GTF2H1: variants seen among roughly 807,000 people sequenced by gnomAD.
The protein encoded by GTF2H1 is general transcription factor IIH subunit 1.
Under a neutral mutation model 71.2 loss-of-function variants are expected in GTF2H1, and 16 were observed. That is an observed-to-expected ratio of 0.22 (90% CI 0.15 to 0.34). The LOEUF (loss-of-function observed/expected upper bound fraction) is 0.34. Ranked by LOEUF, GTF2H1 falls within the 10% of genes least tolerant of loss-of-function variation. GTF2H1 has a pLI of 1.00. For synonymous variants in GTF2H1, 215 were observed against 219.0 expected (o/e 0.98, Z 0.16); for missense variants, 498 against 648.2 (o/e 0.77, Z 2.52).
chr11:18,323,549 T>A (rs1864623794), intron 1 of GTF2H1, among the ~76,000 whole-genome samples: 1 of 151,870 alleles, frequency 6.6e-6, no homozygotes. Flanking sequence ...GAAGACCCAG[T>A]CTTAAAAACA....
At chr11:18,333,833 C>A (rs1341493668) in intron 2 of GTF2H1, among the ~76,000 whole-genome samples, 1 of 152,188 alleles carries the variant, frequency 6.6e-6, no homozygotes, top group Non-Finnish European at 1.5e-5. Flanking sequence ...CCAGATTTTC[C>A]TTCACTAAAA....
chr11:18,358,367 C>G (rs1343281404), intron 12 of GTF2H1, among the ~76,000 whole-genome samples, 158 bp from the exon 13 acceptor site: 2 of 152,202 alleles, frequency 1.3e-5, no homozygotes, highest in South Asian at 2.1e-4. Flanking sequence ...TTTATGATCT[C>G]TCAGCCACAA....
At chr11:18,364,710 T>C (rs1228230953) in intron 14 of GTF2H1, among the ~76,000 whole-genome samples, 2 of 152,196 alleles carry the variant, frequency 1.3e-5, no homozygotes, top group Admixed American at 6.5e-5. Flanking sequence ...ACATAGCACA[T>C]TGTGTGAAGC....
chr11:18,350,006 C>G (rs1185249091), intron 9 of GTF2H1, among the ~76,000 whole-genome samples: 2 of 152,186 alleles, frequency 1.3e-5, no homozygotes, highest in East Asian at 1.9e-4. Flanking sequence ...TATGGTTTCT[C>G]TACTGAATGT....
chr11:18,359,302 G>A (rs182556010), intron 13 of GTF2H1, among the ~76,000 whole-genome samples: 212 of 152,198 alleles, frequency 1.4e-3, no homozygotes, highest in African/African-American at 4.7e-3. Context: ...CACTTTGGCG[G>A]GGCTGAGGCG....
chr11:18,323,885 A>T (rs935813757), intron 1 of GTF2H1, among the ~76,000 whole-genome samples: 6 of 152,216 alleles, frequency 3.9e-5, no homozygotes, highest in African/African-American at 1.4e-4. Context: ...AAACCAGAGC[A>T]GTTGAGATGG....
At position 18,357,955 on chromosome 11, in the gene GTF2H1, C is replaced by A; in HGVS notation, c.1264C>A (p.Leu422Ile). ...AATGCATCTTCATTTTTTTCAGGTTCTCTCAAGTAGTGCTGCCAGTAGTAC... is the reference window on the plus strand; with the variant it reads ...AATGCATCTTCATTTTTTTCAGGTTATCTCAAGTAGTGCTGCCAGTAGTAC... ...EAYTPKLTQV[L>I]SSSAASSTIT... Residue 422 changes from leucine (L) to isoleucine (I), a missense_variant, in exon 12 of 15, where the codon CTC becomes ATC. Transcript: ENST00000265963. 1.3e-6 allele frequency: 2 copies of A among 1,598,352 alleles called. No individual in the cohort carries two copies. The highest frequency in any genetic ancestry group is 1.7e-6 in the Non-Finnish European group (2 of 1,166,580).
At chr11:18,342,988 C>T (rs1865197407) in intron 7 of GTF2H1, among the ~76,000 whole-genome samples, 1 of 152,194 alleles carries the variant, frequency 6.6e-6, no homozygotes, top group Non-Finnish European at 1.5e-5. Context: ...GTGGCCTGAG[C>T]TCGGCTCACT....
chr11:18,358,459 C>A (rs1865615047), intron 12 of GTF2H1, 66 bp from the exon 13 acceptor site: 3 of 854,878 alleles, frequency 3.5e-6, no homozygotes, highest in African/African-American at 1.7e-5. Flanking sequence ...TCTGAGTGGT[C>A]ATTTTTTTCG....
At chr11:18,337,962 G>T in intron 3 of GTF2H1, 147 bp from the exon 4 acceptor site, 1 of 550,826 alleles carries the variant, frequency 1.8e-6, no homozygotes. Flanking sequence ...TTACTGAAAA[G>T]TGAACTGAAG....
rs1565013417 is a variant in GTF2H1, at chr11:18,347,854, A to AG, written c.989dup (p.Ser330ArgfsTer2). On this transcript the variant is annotated frameshift_variant, in exon 9 of 15. Transcript: ENST00000265963. LOFTEE classifies it high-confidence loss of function. ...AAGAGAAGCACAAAATGAACAAACT[A>AG]GTGAGCCCAGCAACATGGATGGAAA... 1 of 1,611,384 alleles carries AG rather than the reference A, an allele frequency of 6.2e-7. No homozygotes were observed. The highest frequency in any genetic ancestry group is 8.5e-7 in the Non-Finnish European group (1 of 1,179,238).
chr11:18,362,333 T>C (rs559658333), intron 14 of GTF2H1, among the ~76,000 whole-genome samples: 2 of 152,186 alleles, frequency 1.3e-5, no homozygotes, highest in Non-Finnish European at 2.9e-5. Context: ...TAGAAGTTGC[T>C]CTGGGTGACT....
intron 11 of GTF2H1, 52 bp downstream of exon 11, chr11:18,352,498 G>A (rs746044244): frequency 1.3e-6 from 1 of 757,826 alleles, no homozygotes; most frequent in South Asian, 1.5e-5. Context: ...TCCTTCCTCA[G>A]TTTATGAGCA....
chr11:18,330,695 G>C (rs913422447), intron 1 of GTF2H1, among the ~76,000 whole-genome samples: 1 of 152,022 alleles, frequency 6.6e-6, no homozygotes, highest in African/African-American at 2.4e-5. Context: ...TCCCTAATTA[G>C]GAGTCTACAC....
chr11:18,323,564 CAAAA>C (rs375315689), intron 1 of GTF2H1, among the ~76,000 whole-genome samples: 7 of 146,492 alleles, frequency 4.8e-5, no homozygotes, highest in Non-Finnish European at 6.0e-5. Context: ...AAAACAAAAA[CAAAA>C]AAAAAACTGA....
Position 18,351,896 on chromosome 11 carries a change from T to C in GTF2H1, c.1069T>C (p.Ser357Pro). The part of the protein sequence containing the change: ...PAVKRAKLQE[S>P]IEYEDLGKNN... ...ATAATTATAGGCGAAATTACAAGAG[T>C]CCATTGAATATGAAGACTTGGGGAA... is the stretch of plus-strand genomic sequence containing the variant. The change falls in exon 10 of 15, where the codon TCC becomes CCC. Residue 357 changes from serine (S) to proline (P), a missense_variant. Ser to Pro is a moderately conservative substitution (Grantham distance 74). Transcript: ENST00000265963. 6.5e-7 allele frequency: 1 copy of C among 1,549,952 alleles called. No homozygotes were observed. Among genetic ancestry groups the C allele is most frequent in the Non-Finnish European group, 8.9e-7 (1 of 1,122,458 alleles).
chr11:18,326,926 G>T (rs1313374123), intron 1 of GTF2H1, among the ~76,000 whole-genome samples: 1 of 151,922 alleles, frequency 6.6e-6, no homozygotes, highest in Admixed American at 6.6e-5. Flanking sequence ...TACAGAGTGG[G>T]CTTTTTAAAA....
At chr11:18,360,802 A>ATT in intron 14 of GTF2H1, 95 bp downstream of exon 14, 4 of 657,116 alleles carry the variant, frequency 6.1e-6, no homozygotes, top group Non-Finnish European at 1.0e-5. Context: ...TAGATACTTA[A>ATT]TTTTCTTTTT....
chr11:18,334,321 A>G (rs1407226521), intron 2 of GTF2H1, among the ~76,000 whole-genome samples: 1 of 152,200 alleles, frequency 6.6e-6, no homozygotes, highest in East Asian at 1.9e-4. Flanking sequence ...CGGAGCTTGC[A>G]GTGAGCCAAG....
Sources: gnomAD v4.1 joint callset for allele counts (sites outside exome capture counted in the v4.1 genomes callset) on GRCh38, gnomAD v4.1.1 for gene constraint, MANE v1.5 for transcripts, NCBI Gene and HGNC (gene_info 2026-07-23, HGNC 2026-07-21) for gene names.